Variants in HPGDS observed in about 807,000 individuals in gnomAD.
HPGDS encodes the protein GST class-sigma.
HPGDS carries 26 observed loss-of-function variants against 23.1 expected under a neutral mutation model. That is an observed-to-expected ratio of 1.13 (90% CI 0.83 to 1.56). The LOEUF (loss-of-function observed/expected upper bound fraction) is 1.56, where lower values mean the gene tolerates loss of function less well. HPGDS is among the 40% of genes most tolerant of loss of function. The pLI is 0.00. For missense variants in HPGDS, 268 were observed against 236.4 expected (o/e 1.13, Z -0.88); for synonymous variants, 95 against 77.9 (o/e 1.22, Z -1.16).
At chr4:94,332,889 G>T (rs1192123558) in intron 2 of HPGDS, among the ~76,000 whole-genome samples, 1 of 152,180 alleles carries the variant, frequency 6.6e-6, no homozygotes, top group African/African-American at 2.4e-5. Flanking sequence ...TTAGCTTCCA[G>T]AATTGTGTGC....
chr4:94,316,100 G>C (rs1019290731), intron 3 of HPGDS, among the ~76,000 whole-genome samples: 3 of 152,136 alleles, frequency 2.0e-5, no homozygotes, highest in Non-Finnish European at 4.4e-5. Context: ...GCTGTATATA[G>C]TAGTATTGAA....
At position 94,299,559 on chromosome 4, in the gene HPGDS, A is replaced by G. The variant is rs373355763; in HGVS notation, c.521T>C (p.Leu174Pro). The G allele has an allele frequency of 3.5e-5, 56 of 1,614,036 alleles. No individual in the cohort carries two copies. The highest frequency in any genetic ancestry group is 4.4e-5 in the Non-Finnish European group (52 of 1,180,034). Residue 174 changes from leucine to proline, a missense_variant, in exon 6 of 6, where the codon CTG becomes CCG. Transcript: ENST00000295256. ...KPDLLDNHPR[L>P]VTLRKKVQAI... is the part of the protein sequence containing the mutation. ...TTGGACTTTCTTCCGTAAAGTCACC[A>G]GCCTTGGATGGTTGTCTAACAGGTC... is the stretch of plus-strand genomic sequence containing the variant.
chr4:94,341,870 G>T (rs1265998368), intron 1 of HPGDS, among the ~76,000 whole-genome samples: 4 of 152,124 alleles, frequency 2.6e-5, no homozygotes, highest in Non-Finnish European at 1.5e-5. Flanking sequence ...CAGCAATCAT[G>T]TGAGATACTA....
At chr4:94,303,493 A>G (rs1322446909) in intron 4 of HPGDS, among the ~76,000 whole-genome samples, 1 of 152,180 alleles carries the variant, frequency 6.6e-6, no homozygotes, top group Non-Finnish European at 1.5e-5. Flanking sequence ...TGCCAGATTT[A>G]AAAACCGAAG....
chr4:94,335,538 T>G (rs1720987861), intron 1 of HPGDS, among the ~76,000 whole-genome samples: 1 of 152,234 alleles, frequency 6.6e-6, no homozygotes, highest in Admixed American at 6.5e-5. Context: ...GAATTTGGGC[T>G]TTGGCCAGTT....
intron 2 of HPGDS, among the ~76,000 whole-genome samples, chr4:94,329,720 C>A (rs992805606): frequency 7.2e-5 from 11 of 152,308 alleles, no homozygotes; most frequent in Admixed American, 1.3e-4. Flanking sequence ...TTTGAGCCAA[C>A]CTTGGGATAA....
At chr4:94,315,035 G>T (rs1756366925) in intron 3 of HPGDS, among the ~76,000 whole-genome samples, 2 of 152,182 alleles carry the variant, frequency 1.3e-5, no homozygotes, top group Non-Finnish European at 2.9e-5. Flanking sequence ...GGTGCCGTCT[G>T]TCACCCTTTT....
At chr4:94,317,748 C>A in intron 3 of HPGDS, 125 bp downstream of exon 3, 1 of 558,296 alleles carries the variant, frequency 1.8e-6, no homozygotes, top group Non-Finnish European at 3.1e-6. Context: ...TTATACTTTT[C>A]TCTTATTTAA....
At chr4:94,310,864 T>G (rs1250026060) in intron 3 of HPGDS, among the ~76,000 whole-genome samples, 1 of 152,216 alleles carries the variant, frequency 6.6e-6, no homozygotes, top group African/African-American at 2.4e-5. Context: ...CCCTTGTAAG[T>G]TGGATTCCTA....
At chr4:94,340,305 C>CTTTTTTTTTT (rs781532046) in intron 1 of HPGDS, among the ~76,000 whole-genome samples, 1 of 26,200 alleles carries the variant, frequency 3.8e-5, no homozygotes, top group African/African-American at 1.5e-4. Flanking sequence ...TTCTTTCTTT[C>CTTTTTTTTTT]TTTCTCTTTT....
intron 2 of HPGDS, among the ~76,000 whole-genome samples, chr4:94,319,864 A>C (rs1756468423): frequency 1.3e-5 from 2 of 152,148 alleles, no homozygotes. Flanking sequence ...TGCACCCATT[A>C]ACTCATCATT....
In HPGDS at chr4:94,299,550, A is replaced by T. The variant is rs1755993587; in HGVS notation, c.530T>A (p.Leu177Ter). Residue 177 changes from leucine (L) to a stop codon, truncating the protein, a stop_gained, in exon 6 of 6, where the codon TTA (leucine) becomes TAA (stop). Transcript: ENST00000295256. LOFTEE classifies it high-confidence loss of function. ...AGGAATGGCTTGGACTTTCTTCCGT[A>T]AAGTCACCAGCCTTGGATGGTTGTC... ...LLDNHPRLVT[L>*]RKKVQAIPAV... 1 of 1,614,004 alleles carries T rather than the reference A, an allele frequency of 6.2e-7. No individual in the cohort carries two copies. Among genetic ancestry groups the T allele is most frequent in the African/African-American group, 1.3e-5 (1 of 74,904 alleles).
At chr4:94,321,896 G>T (rs1756517026) in intron 2 of HPGDS, among the ~76,000 whole-genome samples, 1 of 152,106 alleles carries the variant, frequency 6.6e-6, no homozygotes, top group Non-Finnish European at 1.5e-5. Flanking sequence ...TATTGGCTGT[G>T]GGTTTGTCAT....
chr4:94,303,820 A>C (rs1253862154), intron 4 of HPGDS: 1 of 152,122 alleles, frequency 6.6e-6, no homozygotes, highest in Non-Finnish European at 1.5e-5. Flanking sequence ...CAGGTGCACC[A>C]ATGTTTGTGT....
At chr4:94,320,937 G>C (rs1341289906) in intron 2 of HPGDS, among the ~76,000 whole-genome samples, 2 of 152,152 alleles carry the variant, frequency 1.3e-5, no homozygotes, top group Non-Finnish European at 2.9e-5. Flanking sequence ...ATGAATTTTT[G>C]TATAAGGTGT....
chr4:94,321,388 C>T (rs1439623512), intron 2 of HPGDS, among the ~76,000 whole-genome samples: 2 of 152,092 alleles, frequency 1.3e-5, no homozygotes, highest in African/African-American at 4.8e-5. Context: ...ATTCTTCCTA[C>T]CCATGAGCAT....
chr4:94,330,341 A>T (rs1756713863), intron 2 of HPGDS, among the ~76,000 whole-genome samples: 1 of 152,216 alleles, frequency 6.6e-6, no homozygotes. Context: ...AGAGGTACAG[A>T]TGCATGAATT....
At chr4:94,311,931 T>C (rs1756282412) in intron 3 of HPGDS, among the ~76,000 whole-genome samples, 1 of 151,748 alleles carries the variant, frequency 6.6e-6, no homozygotes, top group Non-Finnish European at 1.5e-5. Context: ...TGTGTAGAGG[T>C]GTTTATAGTA....
intron 5 of HPGDS, among the ~76,000 whole-genome samples, chr4:94,301,538 T>A (rs1269326498): frequency 6.6e-6 from 1 of 152,212 alleles, no homozygotes; most frequent in Non-Finnish European, 1.5e-5. Flanking sequence ...GTTTATACTG[T>A]TAGCTGTAGT....
Sources: allele counts gnomAD v4.1 joint callset (sites outside exome capture counted in the v4.1 genomes callset), GRCh38; gene constraint gnomAD v4.1.1; transcripts MANE v1.5; gene names NCBI Gene and HGNC (gene_info 2026-07-23, HGNC 2026-07-21).